Variants in GLYR1 observed in about 807,000 individuals in gnomAD.
GLYR1 encodes cytokine-like nuclear factor N-PAC.
Under a neutral mutation model 72.7 loss-of-function variants are expected in GLYR1, and 21 were observed. The ratio of observed to expected loss-of-function variants is 0.29; its 90% confidence interval spans 0.20 to 0.42. The LOEUF (loss-of-function observed/expected upper bound fraction) is 0.42. Among genes scored for constraint, GLYR1 ranks in the 10% least tolerant of loss-of-function variants. The pLI is 1.00. For synonymous variants in GLYR1, 392 were observed against 270.2 expected (o/e 1.45, Z -4.42); for missense variants, 594 against 712.1 (o/e 0.83, Z 1.89).
At chr16:4,834,142 C>A (rs750217767) in intron 3 of GLYR1, among the ~76,000 whole-genome samples, 4 of 152,118 alleles carry the variant, frequency 2.6e-5, no homozygotes, top group Non-Finnish European at 5.9e-5. Context: ...ATAATGGGGT[C>A]TGTGCAAAAA....
At chr16:4,842,100 T>G (rs1056905375) in intron 3 of GLYR1, among the ~76,000 whole-genome samples, 4 of 151,702 alleles carry the variant, frequency 2.6e-5, no homozygotes, top group East Asian at 1.9e-4. Flanking sequence ...AAAAATTAGC[T>G]GGGCATGGTG....
chr16:4,832,917 C>A lies in GLYR1; in HGVS notation c.156-5G>T, dbSNP rs780444407. 3 of 1,607,686 alleles carry A rather than the reference C, an allele frequency of 1.9e-6. No individual in the cohort carries two copies. Among genetic ancestry groups the A allele is most frequent in the Non-Finnish European group, 1.7e-6 (2 of 1,176,826 alleles). On this transcript the variant is annotated splice_region_variant and splice_polypyrimidine_tract_variant and intron_variant, in intron 3 of 15. Coordinates refer to ENST00000321919, the MANE Select transcript of GLYR1 (RefSeq NM_032569.4). ...TGTTCCACTTTGATCCAGGCACTAG[C>A]AGAAAACAAACACAAAAAGGGTGTG... is the stretch of plus-strand genomic sequence containing the variant.
intron 10 of GLYR1, among the ~76,000 whole-genome samples, 196 bp from the exon 11 acceptor site, chr16:4,814,843 T>G (rs1395841248): frequency 6.6e-6 from 1 of 152,216 alleles, no homozygotes; most frequent in Non-Finnish European, 1.5e-5. Context: ...CTTCAGTTTT[T>G]GCATGACGAG....
chr16:4,824,233 G>T (rs2084231779), intron 5 of GLYR1, among the ~76,000 whole-genome samples: 1 of 152,164 alleles, frequency 6.6e-6, no homozygotes, highest in Non-Finnish European at 1.5e-5. Flanking sequence ...CAGTTGTGGT[G>T]GCTGGGCGTG....
chr16:4,833,192 C>T, intron 3 of GLYR1: 1 of 274,620 alleles, frequency 3.6e-6, no homozygotes, highest in Non-Finnish European at 6.8e-6. Flanking sequence ...TATTTATTTC[C>T]ACAATCGTCT....
At chr16:4,828,867 C>T (rs2084602020) in intron 5 of GLYR1, among the ~76,000 whole-genome samples, 1 of 152,050 alleles carries the variant, frequency 6.6e-6, no homozygotes, top group Non-Finnish European at 1.5e-5. Flanking sequence ...CTTTGTACTT[C>T]CCTTTATCCA....
At chr16:4,819,320 T>C (rs1280169838) in intron 9 of GLYR1, among the ~76,000 whole-genome samples, 1 of 152,052 alleles carries the variant, frequency 6.6e-6, no homozygotes, top group Non-Finnish European at 1.5e-5. Context: ...GCCTTTTTTC[T>C]TTTTTTAGTG....
At chr16:4,838,464 T>G (rs186170413) in intron 3 of GLYR1, among the ~76,000 whole-genome samples, 17 of 152,294 alleles carry the variant, frequency 1.1e-4, no homozygotes, top group African/African-American at 3.8e-4. Flanking sequence ...GGTAGGCACT[T>G]GCAGCTTCTC....
intron 3 of GLYR1, among the ~76,000 whole-genome samples, chr16:4,844,283 T>C (rs955681834): frequency 4.6e-5 from 7 of 152,218 alleles, no homozygotes; most frequent in Non-Finnish European, 8.8e-5. Flanking sequence ...TTAATGGTCC[T>C]GGTTTCCCCA....
At chr16:4,837,635 A>C (rs555248907) in intron 3 of GLYR1, among the ~76,000 whole-genome samples, 1 of 151,982 alleles carries the variant, frequency 6.6e-6, no homozygotes, top group African/African-American at 2.4e-5. Context: ...GAAAAAGCAC[A>C]CACACACAAG....
At position 4,814,700 on chromosome 16, in the gene GLYR1, G is replaced by A. The variant is rs2083522027; in HGVS notation, c.907-53C>T. 5 of 1,352,184 alleles carry A rather than the reference G, an allele frequency of 3.7e-6. No homozygotes were observed. In the South Asian group the frequency reaches 6.0e-5, roughly 16 times the overall value. 83.8% of individuals were successfully genotyped at this position (1,352,184 alleles called of 1,614,324 possible). On this transcript the variant is annotated intron_variant, in intron 10 of 15. Transcript: ENST00000321919. ...GCTGCAGGCAGTGCACAACAAACAT[G>A]CCAGCCAGGCCAGAGAATTGCTGAC...
chr16:4,813,824 G>A lies in GLYR1; in HGVS notation c.1032C>T (p.Pro344=). 1 of 1,611,846 alleles carries A rather than the reference G, an allele frequency of 6.2e-7. No individual in the cohort carries two copies. The highest frequency in any genetic ancestry group is 8.5e-7 in the Non-Finnish European group (1 of 1,178,880). ...GGCGGATCCCTTGCAGCACACCACTGGGGCCCAGCACCAGCTGTGGGGACA... is the reference window on the plus strand; with the variant it reads ...GGCGGATCCCTTGCAGCACACCACTAGGGCCCAGCACCAGCTGTGGGGACA... ...PKAAKDLVLG[P]SGVLQGIRPG... is the part of the protein sequence containing the mutation. The change falls in exon 12 of 16, where the codon CCC becomes CCT. Residue 344 remains proline, a synonymous_variant. Coordinates refer to ENST00000321919, the MANE Select transcript of GLYR1 (RefSeq NM_032569.4).
chr16:4,809,002 A>C lies in GLYR1; in HGVS notation c.1587+2168T>G, dbSNP rs563165404. ...AGTGCACGTGTTAAGTGCTTAAAAC[A>C]TCATTTGAAAAATGCTAATAGACAT... On this transcript the variant is annotated intron_variant, in intron 15 of 15. Transcript: ENST00000321919. 5.9e-5 allele frequency among the ~76,000 whole-genome samples: 9 copies of C among 152,254 alleles called. No homozygotes were observed. In the South Asian group the frequency reaches 1.2e-3, roughly 21 times the overall value.
chr16:4,837,582 G>A (rs375017158), intron 3 of GLYR1, among the ~76,000 whole-genome samples: 1 of 152,046 alleles, frequency 6.6e-6, no homozygotes, highest in East Asian at 1.9e-4. Flanking sequence ...GAGAAAAGGA[G>A]AAAGGACGGG....
Position 4,831,967 on chromosome 16 carries a change from G to T in GLYR1, c.537+12C>A. Reference sequence around the variant, plus strand: ...CATCACTAATCCCGGAAGCTGCAGAGAGAAAACAAACCTTCTCATCCTTTG... The same window carrying T: ...CATCACTAATCCCGGAAGCTGCAGATAGAAAACAAACCTTCTCATCCTTTG... On this transcript the variant is annotated intron_variant, in intron 5 of 15. Coordinates refer to ENST00000321919, the MANE Select transcript of GLYR1 (RefSeq NM_032569.4). 6.2e-7 allele frequency: 1 copy of T among 1,610,886 alleles called. No individual in the cohort carries two copies. Among genetic ancestry groups the T allele is most frequent in the South Asian group, 1.1e-5 (1 of 90,762 alleles).
At chr16:4,844,776 A>G (rs1319446713) in intron 3 of GLYR1, among the ~76,000 whole-genome samples, 3 of 152,196 alleles carry the variant, frequency 2.0e-5, no homozygotes, top group Non-Finnish European at 4.4e-5. Flanking sequence ...AACAAAAAGG[A>G]ACTGCCTTTG....
At chr16:4,843,602 T>C (rs777048629) in intron 3 of GLYR1, 5 of 1,289,152 alleles carry the variant, frequency 3.9e-6, no homozygotes, top group Non-Finnish European at 4.0e-6. Flanking sequence ...GCTGGGTCTA[T>C]CTGTAAACAT....
In GLYR1 at chr16:4,838,394, T is replaced by A. The variant is rs184279029; in HGVS notation, c.156-5482A>T. 5.6e-4 allele frequency among the ~76,000 whole-genome samples: 86 copies of A among 152,256 alleles called. 1 individual carries two copies. The highest frequency in any genetic ancestry group is 7.4e-5 in the Non-Finnish European group (5 of 68,002). ...AATAAGAACCAGAAAGATGACCCTG[T>A]GCACTTCCTGAAAGGGCTGCTGTGA... On this transcript the variant is annotated intron_variant, in intron 3 of 15. Transcript: ENST00000321919.
In GLYR1 at chr16:4,805,224, G is replaced by A; in HGVS notation, c.*12C>T. ...GGGGGGATTGGAGGGGTGAGGGCGG[G>A]GTGTCGACAGCTTAGTGTATGTAGG... is the stretch of plus-strand genomic sequence containing the variant. On this transcript the variant is annotated 3_prime_UTR_variant, in exon 16 of 16. Coordinates refer to ENST00000321919, the MANE Select transcript of GLYR1 (RefSeq NM_032569.4). 1.2e-6 allele frequency: 2 copies of A among 1,612,914 alleles called. No individual in the cohort carries two copies. Among genetic ancestry groups the A allele is most frequent in the South Asian group, 1.1e-5 (1 of 90,882 alleles).
Sources: allele counts gnomAD v4.1 joint callset (sites outside exome capture counted in the v4.1 genomes callset), GRCh38; gene constraint gnomAD v4.1.1; transcripts MANE v1.5; gene names NCBI Gene and HGNC (gene_info 2026-07-23, HGNC 2026-07-21).